DDX10: variants seen among roughly 807,000 people sequenced by gnomAD.
DDX10 encodes probable ATP-dependent RNA helicase DDX10.
In DDX10, 74 loss-of-function variants were observed where a neutral mutation model predicts 104.3. The ratio of observed to expected loss-of-function variants is 0.71; its 90% CI spans 0.59 to 0.86. The LOEUF (loss-of-function observed/expected upper bound fraction) is 0.86, where lower values mean the gene tolerates loss of function less well. DDX10 is among the 40% of genes least tolerant of loss of function. The probability of loss-of-function intolerance (pLI) is 0.00; values close to 1 mark genes in which losing one functional copy is unlikely to be tolerated. For missense variants in DDX10, 952 were observed against 1,040.0 expected (o/e 0.92, Z 1.16); for synonymous variants, 351 against 353.4 (o/e 0.99, Z 0.08).
At position 108,738,141 on chromosome 11, in the gene DDX10, C is replaced by G. The variant is rs1390270630; in HGVS notation, c.1965+14679C>G. ...GCATCTTTTGATCTATCTGAACTGT[C>G]TTCTGCTTGCAGATATATTCATAAA... is the stretch of plus-strand genomic sequence containing the variant. On this transcript the variant is annotated intron_variant, in intron 13 of 17. Transcript: ENST00000322536. Among the ~76,000 whole-genome samples, 3 of 151,060 alleles carry G rather than the reference C, an allele frequency of 2.0e-5. No individual in the cohort carries two copies. The East Asian group carries it at 5.9e-4, about 30-fold the overall frequency.
At chr11:108,882,322 A>G (rs1449806294) in intron 16 of DDX10, among the ~76,000 whole-genome samples, 1 of 152,170 alleles carries the variant, frequency 6.6e-6, no homozygotes, top group Non-Finnish European at 1.5e-5. Context: ...TGCTCATTTG[A>G]AAAGATAACT....
intron 13 of DDX10, among the ~76,000 whole-genome samples, chr11:108,726,529 T>G (rs1012147297): frequency 1.3e-5 from 2 of 152,122 alleles, no homozygotes; most frequent in African/African-American, 4.8e-5. Flanking sequence ...ATAGTTTGTT[T>G]TTTGTAGACT....
At chr11:108,879,917 A>T (rs1045815326) in intron 16 of DDX10, among the ~76,000 whole-genome samples, 2 of 151,976 alleles carry the variant, frequency 1.3e-5, no homozygotes, top group Admixed American at 1.3e-4. Flanking sequence ...ATTACTGCAT[A>T]TTTTTTCAGC....
chr11:108,895,774 A>G (rs1403814005), intron 16 of DDX10, among the ~76,000 whole-genome samples: 1 of 152,066 alleles, frequency 6.6e-6, no homozygotes, highest in Non-Finnish European at 1.5e-5. Flanking sequence ...AGATGCCCAG[A>G]TACCAACCAC....
intron 17 of DDX10, among the ~76,000 whole-genome samples, chr11:108,936,348 A>G (rs1864037403): frequency 6.6e-6 from 1 of 152,266 alleles, no homozygotes; most frequent in Admixed American, 6.5e-5. Context: ...TCTTATTTTT[A>G]TAGCAGTAGT....
chr11:108,902,312 C>G (rs1329437940), intron 16 of DDX10, among the ~76,000 whole-genome samples: 1 of 152,136 alleles, frequency 6.6e-6, no homozygotes, highest in Non-Finnish European at 1.5e-5. Flanking sequence ...AACTTCATGC[C>G]TACAAGCTAT....
In DDX10 at chr11:108,869,210, T is replaced by A. The variant is rs550029475; in HGVS notation, c.2304+17001T>A. On this transcript the variant is annotated intron_variant, in intron 16 of 17. Transcript: ENST00000322536. ...TTTAAACCCGTTGTTTTTTTTTTTG[T>A]TTGTTTGTTTGTTTTAGTTATCTTG... 6.2e-5 allele frequency among the ~76,000 whole-genome samples: 9 copies of A among 145,660 alleles called. No individual in the cohort carries two copies. The South Asian group carries it at 2.0e-3, about 33-fold the overall frequency.
At chr11:108,671,072 C>T (rs2094216385) in intron 1 of DDX10, among the ~76,000 whole-genome samples, 1 of 152,132 alleles carries the variant, frequency 6.6e-6, no homozygotes, top group Admixed American at 6.5e-5. Context: ...TCCCTGAATT[C>T]AGAAGAATAG....
At chr11:108,730,835 A>G (rs940953926) in intron 13 of DDX10, among the ~76,000 whole-genome samples, 1 of 136,116 alleles carries the variant, frequency 7.3e-6, no homozygotes, top group Non-Finnish European at 1.6e-5. Flanking sequence ...TTTAAAGTAC[A>G]CACGTACCTG....
intron 16 of DDX10, among the ~76,000 whole-genome samples, chr11:108,891,940 A>G (rs997873092): frequency 8.5e-5 from 13 of 152,102 alleles, no homozygotes; most frequent in African/African-American, 2.4e-4. Flanking sequence ...AGTATCCTCA[A>G]TTTGTTAGTA....
intron 2 of DDX10, 65 bp from the exon 3 acceptor site, chr11:108,675,531 A>G: frequency 6.4e-7 from 1 of 1,554,882 alleles, no homozygotes. Context: ...GACACAACTC[A>G]CTTAGCCTAT....
At chr11:108,687,086 CA>C (rs1222170111) in intron 6 of DDX10, among the ~76,000 whole-genome samples, 1 of 152,060 alleles carries the variant, frequency 6.6e-6, no homozygotes, top group Non-Finnish European at 1.5e-5. Context: ...CGCCCGGCCT[CA>C]AGTATGTTTG....
chr11:108,828,564 C>A (rs564972403), intron 13 of DDX10, among the ~76,000 whole-genome samples: 5 of 151,452 alleles, frequency 3.3e-5, no homozygotes, highest in Non-Finnish European at 7.4e-5. Flanking sequence ...TTTTTGAGAC[C>A]GAAAAAAATA....
At chr11:108,795,809 G>A (rs1861933410) in intron 13 of DDX10, among the ~76,000 whole-genome samples, 1 of 152,130 alleles carries the variant, frequency 6.6e-6, no homozygotes, top group African/African-American at 2.4e-5. Flanking sequence ...CACGTGTGGT[G>A]CATGTGTCTT....
chr11:108,827,331 G>C (rs1862409320), intron 13 of DDX10, among the ~76,000 whole-genome samples: 1 of 152,136 alleles, frequency 6.6e-6, no homozygotes, highest in Admixed American at 6.5e-5. Flanking sequence ...ATTACAATAG[G>C]GCTTACTATA....
chr11:108,938,553 C>T (rs958911658), intron 17 of DDX10, among the ~76,000 whole-genome samples: 2 of 152,196 alleles, frequency 1.3e-5, no homozygotes, highest in Admixed American at 1.3e-4. Flanking sequence ...TGGCCATACT[C>T]ATAAAAAGAT....
chr11:108,938,042 A>G (rs1030434936), intron 17 of DDX10, among the ~76,000 whole-genome samples: 1 of 152,180 alleles, frequency 6.6e-6, no homozygotes, highest in African/African-American at 2.4e-5. Context: ...CAGTCATCTC[A>G]GGGACCTCCT....
chr11:108,730,073 T>G (rs2094310183), intron 13 of DDX10: 1 of 152,598 alleles, frequency 6.6e-6, no homozygotes, highest in Non-Finnish European at 1.5e-5. Context: ...AAGCTTACCT[T>G]CCATGGCTGA....
chr11:108,764,979 C>T (rs565369373), intron 13 of DDX10, among the ~76,000 whole-genome samples: 1 of 152,092 alleles, frequency 6.6e-6, no homozygotes, highest in Non-Finnish European at 1.5e-5. Flanking sequence ...CAAATGAAAA[C>T]AAATTTACAT....
Sources: allele counts gnomAD v4.1 joint callset (sites outside exome capture counted in the v4.1 genomes callset), GRCh38; gene constraint gnomAD v4.1.1; transcripts MANE v1.5; gene names NCBI Gene and HGNC (gene_info 2026-07-23, HGNC 2026-07-21).